ZNF329: variants seen among roughly 807,000 people sequenced by gnomAD.
The protein encoded by ZNF329 is zinc finger protein 329.
Under a neutral mutation model 26.6 loss-of-function variants are expected in ZNF329, and 15 were observed. That is an observed-to-expected ratio of 0.56 (90% CI 0.38 to 0.87). ZNF329 has a LOEUF of 0.87. Among genes scored for constraint, ZNF329 ranks in the 40% least tolerant of loss-of-function variants. The probability of loss-of-function intolerance (pLI) is 0.00; values close to 1 mark genes in which losing one functional copy is unlikely to be tolerated. For missense variants in ZNF329, 651 were observed against 651.9 expected, an observed-to-expected ratio of 1.00 and a Z score of 0.02; for synonymous variants, 239 against 233.5, an observed-to-expected ratio of 1.02 and a Z score of -0.21.
intron 1 of ZNF329, among the ~76,000 whole-genome samples, chr19:58,147,109 C>T (rs1468031735): frequency 1.3e-5 from 2 of 150,102 alleles, no homozygotes; most frequent in South Asian, 2.1e-4. Flanking sequence ...AAGTGAGGAG[C>T]GTCTCTGCCC....
chr19:58,137,629 T>C (rs1353774075), intron 3 of ZNF329, among the ~76,000 whole-genome samples: 1 of 150,716 alleles, frequency 6.6e-6, no homozygotes, highest in Non-Finnish European at 1.5e-5. Flanking sequence ...GAAAACCAAG[T>C]CTGTCATTTG....
chr19:58,131,145 G>GC lies in ZNF329; in HGVS notation c.-8-1635_-8-1634insG, dbSNP rs368039663. ...TGTGTGTGTGTGTGTGTGTGTGCGC[G>GC]TGTATTTACATTTCAGAAGGATACA... On this transcript the variant is annotated intron_variant, in intron 3 of 3. Transcript: ENST00000598312. 3.4e-3 allele frequency among the ~76,000 whole-genome samples: 518 copies of GC among 151,880 alleles called. 4 individuals carry two copies. Among genetic ancestry groups the GC allele is most frequent in the African/African-American group, 0.012 (499 of 41,322 alleles).
At chr19:58,152,713 C>T (rs561913467), upstream of ZNF329, among the ~76,000 whole-genome samples, 4 of 152,006 alleles carry the variant, frequency 2.6e-5, no homozygotes, top group South Asian at 2.1e-4. Context: ...AAAAATTAGC[C>T]GGGGGTGGTG....
Position 58,128,381 on chromosome 19 carries a change from C to T in ZNF329, c.1123G>A (p.Glu375Lys). The change falls in exon 4 of 4, where the codon GAG (glutamate) becomes AAG (lysine). Residue 375 changes from glutamate (E) to lysine (K), a missense_variant. Glu to Lys is a moderately conservative substitution (Grantham distance 56, BLOSUM62 1). Coordinates refer to ENST00000598312, the MANE Select transcript of ZNF329 (RefSeq NM_024620.4). ...HTGEKPFECA[E>K]CGKSFNRNSH... ...TTTCTGTTGAAGGATTTCCCGCACT[C>T]TGCACACTCAAAGGGCTTTTCTCCA... The T allele has an allele frequency of 3.1e-6, 5 of 1,614,148 alleles. No homozygotes were observed. Among genetic ancestry groups the T allele is most frequent in the Non-Finnish European group, 4.2e-6 (5 of 1,180,046 alleles).
Position 58,128,800 on chromosome 19 carries a change from T to A in ZNF329, c.704A>T (p.Glu235Val). 1.2e-6 allele frequency: 2 copies of A among 1,600,968 alleles called. No individual in the cohort carries two copies. The highest frequency in any genetic ancestry group is 1.7e-6 in the Non-Finnish European group (2 of 1,174,278). Residue 235 changes from glutamate (E) to valine (V), a missense_variant, in exon 4 of 4, where the codon GAG (glutamate) becomes GTG (valine). Transcript: ENST00000598312. Reference protein sequence around the residue: ...HTGEKPYTCNECGKSFSKNYN... With the variant: ...HTGEKPYTCNVCGKSFSKNYN... The stretch of plus-strand genomic sequence containing the variant: ...GTTCTTGGAGAAGGACTTTCCACAC[T>A]CATTACAAGTATAAGGCTTCTCTCC...
At chr19:58,138,351 A>G (rs2075115894) in intron 3 of ZNF329, among the ~76,000 whole-genome samples, 1 of 152,238 alleles carries the variant, frequency 6.6e-6, no homozygotes, top group Non-Finnish European at 1.5e-5. Context: ...GTCATAGGAA[A>G]TTAATGTGAA....
At chr19:58,145,326 T>C (rs295344) in intron 1 of ZNF329, among the ~76,000 whole-genome samples, 20,575 of 141,916 alleles carry the variant, frequency 0.14, 1,466 homozygotes, top group Admixed American at 0.18. Flanking sequence ...TTTTTTTTTT[T>C]TTTTTTTTTT....
rs2074809417 is a variant in ZNF329 at position 58,126,744 on chromosome 19, C to T, written c.*1134G>A. On this transcript the variant is annotated 3_prime_UTR_variant, in exon 4 of 4. Coordinates refer to ENST00000598312, the MANE Select transcript of ZNF329 (RefSeq NM_024620.4). ...TCTTAGCTCACTGCAACCTCCACCT[C>T]CCAGGTTCAAGCAATTCTCCTGCCT... 6.6e-6 allele frequency: 1 copy of T among 152,280 alleles called. No individual in the cohort carries two copies. Among genetic ancestry groups the T allele is most frequent in the African/African-American group, 2.4e-5 (1 of 41,418 alleles). 9.4% of individuals were successfully genotyped at this position (152,280 alleles called of 1,614,324 possible).
At chr19:58,133,857 T>C (rs895081388) in intron 3 of ZNF329, among the ~76,000 whole-genome samples, 14 of 151,554 alleles carry the variant, frequency 9.2e-5, no homozygotes, top group African/African-American at 3.4e-4. Context: ...CTGATGAATG[T>C]ATATTTAAAT....
chr19:58,153,685 T>G (rs2075496090), upstream of ZNF329, among the ~76,000 whole-genome samples: 1 of 152,168 alleles, frequency 6.6e-6, no homozygotes, highest in South Asian at 2.1e-4. Context: ...AAGATAAGCA[T>G]CCCAGAAGTC....
chr19:58,139,120 G>A (rs1049642925), intron 3 of ZNF329, among the ~76,000 whole-genome samples: 1 of 151,872 alleles, frequency 6.6e-6, no homozygotes, highest in African/African-American at 2.4e-5. Flanking sequence ...CTGTGATTAC[G>A]TCTCTCTTGG....
intron 1 of ZNF329, among the ~76,000 whole-genome samples, chr19:58,150,318 A>G (rs1376633289): frequency 1.3e-5 from 2 of 152,200 alleles, no homozygotes; most frequent in African/African-American, 4.8e-5. Context: ...ATTCAGCCGG[A>G]GGCCGACCCA....
chr19:58,139,928 C>A (rs375710252), intron 3 of ZNF329, among the ~76,000 whole-genome samples: 1 of 152,090 alleles, frequency 6.6e-6, no homozygotes, highest in South Asian at 2.1e-4. Flanking sequence ...TTTTCACTGC[C>A]GGTGCAAATA....
At chr19:58,135,518 G>A (rs966326552) in intron 3 of ZNF329, among the ~76,000 whole-genome samples, 3 of 152,194 alleles carry the variant, frequency 2.0e-5, no homozygotes, top group East Asian at 1.9e-4. Flanking sequence ...TGCCTGCTTC[G>A]GCCCCACAAA....
At chr19:58,131,372 G>A (rs1442785655) in intron 3 of ZNF329, among the ~76,000 whole-genome samples, 1 of 151,990 alleles carries the variant, frequency 6.6e-6, no homozygotes, top group Non-Finnish European at 1.5e-5. Context: ...CTGTAATTGT[G>A]CCACTGCATT....
chr19:58,136,022 G>T (rs1026004949), intron 3 of ZNF329, among the ~76,000 whole-genome samples: 6 of 152,042 alleles, frequency 3.9e-5, no homozygotes, highest in Admixed American at 3.9e-4. Context: ...CACGAGGTCA[G>T]GAGTTCAAGA....
At chr19:58,147,656 CCCCGCCCGGCCAGCCG>C (rs1379142716) in intron 1 of ZNF329, among the ~76,000 whole-genome samples, 2 of 147,990 alleles carry the variant, frequency 1.4e-5, no homozygotes, top group Non-Finnish European at 3.0e-5. Context: ...GGGGCCAGCC[CCCCGCCCGGCCAGCCG>C]CCCTGTCTGG....
At chr19:58,141,073 C>T (rs1468489115) in intron 3 of ZNF329, among the ~76,000 whole-genome samples, 5 of 151,894 alleles carry the variant, frequency 3.3e-5, no homozygotes, top group Non-Finnish European at 7.4e-5. Context: ...CCAGGCTGGT[C>T]CTAAACTCCT....
chr19:58,138,962 AAAAAAAG>A (rs1464584305), intron 3 of ZNF329, among the ~76,000 whole-genome samples: 7 of 151,950 alleles, frequency 4.6e-5, no homozygotes, highest in African/African-American at 1.2e-4. Flanking sequence ...TCAAAATTTA[AAAAAAAG>A]AAAAAAGAAA....
Sources: gnomAD v4.1 joint callset for allele counts (sites outside exome capture counted in the v4.1 genomes callset) on GRCh38, gnomAD v4.1.1 for gene constraint, MANE v1.5 for transcripts, NCBI Gene and HGNC (gene_info 2026-07-23, HGNC 2026-07-21) for gene names.